EML1: variants seen among roughly 807,000 people sequenced by gnomAD.
EML1 encodes the protein EMAP like 1.
Under a neutral mutation model 110.4 loss-of-function variants are expected in EML1, and 27 were observed. The observed-to-expected ratio is 0.24, with a 90% CI of 0.18 to 0.34. The LOEUF (loss-of-function observed/expected upper bound fraction) is 0.34. EML1 is among the 10% of genes least tolerant of loss of function. The probability of loss-of-function intolerance (pLI) is 1.00; values close to 1 mark genes in which losing one functional copy is unlikely to be tolerated. For synonymous variants in EML1, 344 were observed against 385.8 expected (o/e 0.89, Z 1.27); for missense variants, 741 against 1,030.9 (o/e 0.72, Z 3.85).
chr14:99,911,291 C>G, intron 12 of EML1, 131 bp from the exon 13 acceptor site: 1 of 1,100,178 alleles, frequency 9.1e-7, no homozygotes, highest in Non-Finnish European at 1.3e-6. Context: ...TTGGATCCTT[C>G]ATAGATTCAT....
At position 99,800,187 on chromosome 14, in the gene EML1, T is replaced by G. The variant is rs59469219; in HGVS notation, c.67+6644T>G. Among the ~76,000 whole-genome samples the G allele has an allele frequency of 5.0e-3, 759 of 152,274 alleles. 5 individuals are homozygous for G. The highest frequency in any genetic ancestry group is 0.017 in the African/African-American group (723 of 41,554). ...TTTTTCTCACTAGACGTTTGGCACATAGATTTCATTTCTGCTGAAGGCTGC... is the reference window on the plus strand; with the variant it reads ...TTTTTCTCACTAGACGTTTGGCACAGAGATTTCATTTCTGCTGAAGGCTGC... On this transcript the variant is annotated intron_variant, in intron 1 of 21. Coordinates refer to ENST00000262233, the MANE Select transcript of EML1 (RefSeq NM_004434.3).
At chr14:99,856,228 T>G (rs1193587385) in intron 2 of EML1, among the ~76,000 whole-genome samples, 1 of 152,228 alleles carries the variant, frequency 6.6e-6, no homozygotes, top group Non-Finnish European at 1.5e-5. Flanking sequence ...CCATCTGCAT[T>G]GCCTCACTGT....
chr14:99,796,072 AGCTACTCAGGAG>A (rs569148065), intron 1 of EML1, among the ~76,000 whole-genome samples: 2 of 152,180 alleles, frequency 1.3e-5, no homozygotes, highest in South Asian at 4.2e-4. Context: ...CTGTAATCCT[AGCTACTCAGGAG>A]GCTGAGATGG....
At chr14:99,880,838 A>G (rs989215338) in intron 4 of EML1, among the ~76,000 whole-genome samples, 19 of 152,232 alleles carry the variant, frequency 1.2e-4, no homozygotes, top group African/African-American at 3.9e-4. Flanking sequence ...GCTAACTTGT[A>G]GGAAATTATC....
At chr14:99,846,682 A>C in intron 1 of EML1, among the ~76,000 whole-genome samples, 1 of 152,140 alleles carries the variant, frequency 6.6e-6, no homozygotes, top group Non-Finnish European at 1.5e-5. Flanking sequence ...TTATATGTTT[A>C]TATAACTTAT....
At chr14:99,837,765 A>G (rs2058564054) in intron 1 of EML1, among the ~76,000 whole-genome samples, 1 of 152,072 alleles carries the variant, frequency 6.6e-6, no homozygotes, top group South Asian at 2.1e-4. Flanking sequence ...CCCATTGGTG[A>G]TTTTAAACCA....
At chr14:99,900,782 A>C in intron 8 of EML1, 147 bp from the exon 9 acceptor site, 1 of 658,758 alleles carries the variant, frequency 1.5e-6, no homozygotes. Flanking sequence ...TTTTATTTAC[A>C]TAAAAAGGCA....
At chr14:99,805,392 C>T (rs978304822) in intron 1 of EML1, among the ~76,000 whole-genome samples, 4 of 152,216 alleles carry the variant, frequency 2.6e-5, no homozygotes, top group Non-Finnish European at 4.4e-5. Flanking sequence ...GAAACTCTTC[C>T]GTCTTTCTGT....
intron 17 of EML1, among the ~76,000 whole-genome samples, chr14:99,931,303 G>A (rs2060363502): frequency 6.7e-6 from 1 of 148,484 alleles, no homozygotes; most frequent in African/African-American, 2.5e-5. Flanking sequence ...TTGCAAGCAT[G>A]CAAGGATTTC....
chr14:99,809,903 C>G (rs969565035), intron 1 of EML1, among the ~76,000 whole-genome samples: 1 of 152,182 alleles, frequency 6.6e-6, no homozygotes, highest in Non-Finnish European at 1.5e-5. Context: ...CCTGGACTTC[C>G]GTTTTAAAGT....
intron 1 of EML1, among the ~76,000 whole-genome samples, chr14:99,842,572 C>T (rs1382891560): frequency 6.6e-6 from 1 of 152,172 alleles, no homozygotes; most frequent in Admixed American, 6.5e-5. Context: ...CTAAGCAGAT[C>T]TGACATTTCA....
rs572633087 is a variant in EML1 at position 99,934,329 on chromosome 14, A to G, written c.1910-1700A>G. Among the ~76,000 whole-genome samples, 5 of 152,306 alleles carry G rather than the reference A, an allele frequency of 3.3e-5. No homozygotes were observed. The South Asian group carries it at 1.0e-3, about 32-fold the overall frequency. ...CTTCAGCAGTCCTTTTGTTTTTCTC[A>G]GCAAAAAATATGTATTTGCCCCATT... On this transcript the variant is annotated intron_variant, in intron 17 of 21. Transcript: ENST00000262233.
intron 4 of EML1, among the ~76,000 whole-genome samples, chr14:99,889,282 A>C (rs149376075): frequency 6.6e-6 from 1 of 152,060 alleles, no homozygotes; most frequent in Non-Finnish European, 1.5e-5. Flanking sequence ...GATTGCTGAG[A>C]GCCGACCCCA....
rs57818494 is a variant in EML1 at position 99,796,186 on chromosome 14, C to CAGAGAGAGAGAGAGAGAGAGAGAG, written c.67+2665_67+2688dup. On this transcript the variant is annotated intron_variant, in intron 1 of 21. Transcript: ENST00000262233. Reference sequence around the variant, plus strand: ...TGGGTGACAAAGTGAGACCCTGTCTCAGAGAGAGAGAGAGAGAGAGAGAGA... The same window carrying CAGAGAGAGAGAGAGAGAGAGAGAG: ...TGGGTGACAAAGTGAGACCCTGTCTCAGAGAGAGAGAGAGAGAGAGAGAGAGAGAGAGAGAGAGAGAGAGAGAGA... Among the ~76,000 whole-genome samples the CAGAGAGAGAGAGAGAGAGAGAGAG allele has an allele frequency of 2.1e-4, 25 of 119,298 alleles. 1 individual carries two copies. The highest frequency in any genetic ancestry group is 7.2e-4 in the East Asian group (3 of 4,184). 78.3% of individuals were successfully genotyped at this position (119,298 alleles called of 152,430 possible).
intron 1 of EML1, among the ~76,000 whole-genome samples, chr14:99,757,512 T>C (rs1334996479): frequency 6.6e-6 from 1 of 152,210 alleles, no homozygotes; most frequent in Non-Finnish European, 1.5e-5. Context: ...CACCCACGCA[T>C]GTACACTCAT....
At chr14:99,892,618 G>T (rs1342383025) in intron 5 of EML1, among the ~76,000 whole-genome samples, 2 of 152,162 alleles carry the variant, frequency 1.3e-5, no homozygotes, top group Middle Eastern at 6.3e-3. Flanking sequence ...TTTAGATGTA[G>T]CCTGTCTGAA....
At chr14:99,747,136 C>T (rs150373499) in intron 1 of EML1, among the ~76,000 whole-genome samples, 2,125 of 135,860 alleles carry the variant, frequency 0.016, 38 homozygotes, top group Non-Finnish European at 0.022. Flanking sequence ...TGCAGTGAGC[C>T]GAGATAGCGC....
At chr14:99,822,916 C>T (rs2058288083) in intron 1 of EML1, among the ~76,000 whole-genome samples, 1 of 152,188 alleles carries the variant, frequency 6.6e-6, no homozygotes, top group South Asian at 2.1e-4. Context: ...TTTTAGCACG[C>T]CTTCTTTTTG....
At chr14:99,894,231 A>T (rs1170398066) in intron 5 of EML1, among the ~76,000 whole-genome samples, 9 of 152,234 alleles carry the variant, frequency 5.9e-5, no homozygotes, top group Non-Finnish European at 1.2e-4. Flanking sequence ...GTGAATTTGG[A>T]TATTGAGATT....
Sources: allele counts gnomAD v4.1 joint callset (sites outside exome capture counted in the v4.1 genomes callset), GRCh38; gene constraint gnomAD v4.1.1; transcripts MANE v1.5; gene names NCBI Gene and HGNC (gene_info 2026-07-23, HGNC 2026-07-21).